The following RAPGEF6 variants were observed in gnomAD, a reference collection of about 807,000 sequenced individuals.
RAPGEF6 encodes the protein Rap guanine nucleotide exchange factor 6.
In RAPGEF6, 56 loss-of-function variants were observed where a neutral mutation model predicts 171.4. The observed-to-expected ratio is 0.33, with a 90% CI of 0.26 to 0.41. The LOEUF (loss-of-function observed/expected upper bound fraction) is 0.41. Ranked by LOEUF, RAPGEF6 falls within the 10% of genes least tolerant of loss-of-function variation. The pLI is 1.00. For synonymous variants in RAPGEF6, 692 were observed against 650.1 expected, an observed-to-expected ratio of 1.06 and a Z score of -0.98; for missense variants, 1,674 against 1,921.4, an observed-to-expected ratio of 0.87 and a Z score of 2.41.
intron 11 of RAPGEF6, among the ~76,000 whole-genome samples, chr5:131,503,811 T>C (rs1757177632): frequency 6.6e-6 from 1 of 152,214 alleles, no homozygotes; most frequent in Non-Finnish European, 1.5e-5. Context: ...ATACTCAGAC[T>C]CTACAATTGT....
intron 21 of RAPGEF6, 35 bp downstream of exon 21, chr5:131,453,019 C>T (rs1264701186): frequency 6.3e-7 from 1 of 1,582,342 alleles, no homozygotes; most frequent in Non-Finnish European, 8.6e-7. Flanking sequence ...ACCCTTGATA[C>T]CACTCTAACA....
intron 6 of RAPGEF6, among the ~76,000 whole-genome samples, chr5:131,531,250 T>C (rs879887344): frequency 6.6e-6 from 1 of 152,196 alleles, no homozygotes; most frequent in Non-Finnish European, 1.5e-5. Context: ...ATTGTGCCTG[T>C]CTGTATGCAA....
intron 15 of RAPGEF6, among the ~76,000 whole-genome samples, chr5:131,482,045 C>G (rs540441163): frequency 6.6e-6 from 1 of 152,312 alleles, no homozygotes; most frequent in South Asian, 2.1e-4. Flanking sequence ...AAAATACTTA[C>G]AACTTGGTAT....
intron 24 of RAPGEF6, chr5:131,435,717 C>G: frequency 1.3e-6 from 1 of 749,330 alleles, no homozygotes; most frequent in South Asian, 2.5e-5. Flanking sequence ...ATATTTCACT[C>G]ACAGATCCAG....
At chr5:131,510,857 C>G (rs1173023429) in intron 7 of RAPGEF6, among the ~76,000 whole-genome samples, 1 of 152,158 alleles carries the variant, frequency 6.6e-6, no homozygotes, top group Non-Finnish European at 1.5e-5. Context: ...TACCAACAAT[C>G]ACCTTATGAG....
chr5:131,430,610 G>T, intron 26 of RAPGEF6: 1 of 606,258 alleles, frequency 1.6e-6, no homozygotes, highest in Non-Finnish European at 3.0e-6. Context: ...AAAAACAAAA[G>T]ACAAACAAAC....
chr5:131,577,913 T>C (rs1159694800), intron 4 of RAPGEF6, among the ~76,000 whole-genome samples: 1 of 152,216 alleles, frequency 6.6e-6, no homozygotes, highest in Non-Finnish European at 1.5e-5. Context: ...TTTTGCAACA[T>C]GGCTTTACGC....
At chr5:131,599,872 T>C (rs1474561823) in intron 3 of RAPGEF6, among the ~76,000 whole-genome samples, 2 of 152,150 alleles carry the variant, frequency 1.3e-5, no homozygotes, top group South Asian at 2.1e-4. Flanking sequence ...AAATCAAACA[T>C]AGAGAAATGA....
intron 13 of RAPGEF6, 139 bp from the exon 14 acceptor site, chr5:131,492,924 T>C: frequency 1.4e-6 from 1 of 719,288 alleles, no homozygotes; most frequent in East Asian, 2.7e-5. Flanking sequence ...AAGGGGGCAC[T>C]CCCACGCCAA....
chr5:131,590,393 A>G (rs770771210), intron 4 of RAPGEF6, among the ~76,000 whole-genome samples: 2 of 152,194 alleles, frequency 1.3e-5, no homozygotes, highest in Non-Finnish European at 2.9e-5. Flanking sequence ...ACTCTGTCTC[A>G]AATTTAAAAA....
At chr5:131,509,135 A>T (rs1757549383) in intron 8 of RAPGEF6, among the ~76,000 whole-genome samples, 1 of 152,220 alleles carries the variant, frequency 6.6e-6, no homozygotes, top group African/African-American at 2.4e-5. Flanking sequence ...GTTTGACACT[A>T]AGTGATCTTT....
chr5:131,544,319 C>G (rs746449877), intron 6 of RAPGEF6, among the ~76,000 whole-genome samples: 1 of 151,888 alleles, frequency 6.6e-6, no homozygotes, highest in East Asian at 1.9e-4. Context: ...AACAGGCAAA[C>G]AGAAACAAAT....
chr5:131,561,620 A>AT lies in RAPGEF6; in HGVS notation c.351+357dup, dbSNP rs536529295. Among the ~76,000 whole-genome samples, 36 of 146,946 alleles carry AT rather than the reference A, an allele frequency of 2.4e-4. No homozygotes were observed. In the South Asian group the frequency reaches 7.1e-3, roughly 29 times the overall value. Reference sequence around the variant, plus strand: ...GGTTGCAGTGAGCCAAGACTGCACCATTGCACTCCAGCCTGGGCACCAAGA... The same window carrying AT: ...GGTTGCAGTGAGCCAAGACTGCACCATTTGCACTCCAGCCTGGGCACCAAGA... On this transcript the variant is annotated intron_variant, in intron 5 of 27. Coordinates refer to ENST00000509018, the MANE Select transcript of RAPGEF6 (RefSeq NM_016340.6).
chr5:131,500,822 T>C (rs1756970969), intron 11 of RAPGEF6, among the ~76,000 whole-genome samples: 1 of 152,148 alleles, frequency 6.6e-6, no homozygotes, highest in Non-Finnish European at 1.5e-5. Context: ...AAGTATATAT[T>C]AGTATCTCCC....
chr5:131,458,086 A>C (rs532145772), intron 19 of RAPGEF6, among the ~76,000 whole-genome samples: 1 of 152,306 alleles, frequency 6.6e-6, no homozygotes, highest in Middle Eastern at 3.4e-3. Context: ...AACAGCAATA[A>C]AAGATATTAA....
intron 15 of RAPGEF6, among the ~76,000 whole-genome samples, chr5:131,487,080 G>A (rs1447504256): frequency 6.6e-6 from 1 of 152,170 alleles, no homozygotes; most frequent in East Asian, 1.9e-4. Flanking sequence ...CTTCAAGAAT[G>A]AAGATGCAGA....
Position 131,516,968 on chromosome 5 carries a change from A to G in RAPGEF6, c.627+4422T>C, listed in dbSNP as rs570366295. Among the ~76,000 whole-genome samples, 72 of 152,326 alleles carry G rather than the reference A, an allele frequency of 4.7e-4. 1 individual carries two copies. In the South Asian group the frequency reaches 0.015, roughly 31 times the overall value. The stretch of plus-strand genomic sequence containing the variant: ...GAAATGCATAGAAGTGTAGCCACAC[A>G]TTTGGCCATATAAAACAGTGTAAAC... On this transcript the variant is annotated intron_variant, in intron 7 of 27. Coordinates refer to ENST00000509018, the MANE Select transcript of RAPGEF6 (RefSeq NM_016340.6).
intron 4 of RAPGEF6, among the ~76,000 whole-genome samples, chr5:131,563,958 A>G (rs1761767655): frequency 6.6e-6 from 1 of 152,210 alleles, no homozygotes; most frequent in African/African-American, 2.4e-5. Context: ...CTGAGGACAA[A>G]AACAGAAAAC....
intron 20 of RAPGEF6, among the ~76,000 whole-genome samples, chr5:131,454,385 C>T (rs1411841689): frequency 2.0e-5 from 3 of 151,992 alleles, no homozygotes; most frequent in Admixed American, 6.6e-5. Context: ...TCAATAATAA[C>T]CAGGCACATC....
Sources: allele counts gnomAD v4.1 joint callset (sites outside exome capture counted in the v4.1 genomes callset), GRCh38; gene constraint gnomAD v4.1.1; transcripts MANE v1.5; gene names NCBI Gene and HGNC (gene_info 2026-07-23, HGNC 2026-07-21).